Variants in ADCY2 observed in about 807,000 individuals in gnomAD.
ADCY2 encodes adenylate cyclase type 2.
In ADCY2, 31 loss-of-function variants were observed where a neutral mutation model predicts 125.2. The ratio of observed to expected loss-of-function variants is 0.25; its 90% CI spans 0.19 to 0.33. The LOEUF is 0.33. Among genes scored for constraint, ADCY2 ranks in the 10% least tolerant of loss-of-function variants. The pLI, the probability that ADCY2 is intolerant of heterozygous loss-of-function variation, is 1.00. For missense variants in ADCY2, 904 were observed against 1,418.2 expected, an observed-to-expected ratio of 0.64 and a Z score of 5.82; for synonymous variants, 512 against 548.4, an observed-to-expected ratio of 0.93 and a Z score of 0.93.
At chr5:7,708,458 G>A (rs1741335359) in intron 9 of ADCY2, among the ~76,000 whole-genome samples, 1 of 152,128 alleles carries the variant, frequency 6.6e-6, no homozygotes, top group African/African-American at 2.4e-5. Context: ...GGGGCTTAGA[G>A]TTCTCATTTC....
At chr5:7,555,118 G>A (rs1735463105) in intron 3 of ADCY2, among the ~76,000 whole-genome samples, 2 of 152,178 alleles carry the variant, frequency 1.3e-5, no homozygotes, top group African/African-American at 4.8e-5. Context: ...ACTGTTTTAA[G>A]ATACATCTTG....
At chr5:7,539,616 G>A (rs1281566016) in intron 3 of ADCY2, among the ~76,000 whole-genome samples, 2 of 152,354 alleles carry the variant, frequency 1.3e-5, no homozygotes, top group East Asian at 3.9e-4. Context: ...TTTCGAGTGA[G>A]ATTATGAGCA....
intron 2 of ADCY2, among the ~76,000 whole-genome samples, chr5:7,500,531 A>G (rs1447059318): frequency 6.6e-6 from 1 of 152,198 alleles, no homozygotes; most frequent in African/African-American, 2.4e-5. Context: ...TGAGAATGGC[A>G]CTTTACCCAG....
At position 7,827,002 on chromosome 5, in the gene ADCY2, C is replaced by T. The variant is rs778994344; in HGVS notation, c.*131C>T. 105 of 1,130,156 alleles carry T rather than the reference C, an allele frequency of 9.3e-5. No homozygotes were observed. The highest frequency in any genetic ancestry group is 2.9e-4 in the Middle Eastern group (1 of 3,446). The allele number at this position is 1,130,156 out of a possible 1,614,324, so 70.0% of individuals were successfully genotyped here. ...TATGGAGCCTCTGCAGACTCGTTCT[C>T]GTGACCCAGTGGCATACCGTTTGGT... On this transcript the variant is annotated 3_prime_UTR_variant, in exon 25 of 25. Transcript: ENST00000338316.
At chr5:7,492,719 C>T (rs2126490701) in intron 2 of ADCY2, among the ~76,000 whole-genome samples, 1 of 151,582 alleles carries the variant, frequency 6.6e-6, no homozygotes, top group African/African-American at 2.4e-5. Context: ...GAGTGACTTG[C>T]AGAGTCGTTT....
At chr5:7,489,995 C>T (rs72709164) in intron 2 of ADCY2, among the ~76,000 whole-genome samples, 24,889 of 151,970 alleles carry the variant, frequency 0.16, 2,646 homozygotes, top group East Asian at 0.41. Flanking sequence ...ATTTTGAATA[C>T]AGACTTAACA....
intron 14 of ADCY2, among the ~76,000 whole-genome samples, chr5:7,734,568 T>G (rs888189364): frequency 6.6e-6 from 1 of 152,198 alleles, no homozygotes; most frequent in Non-Finnish European, 1.5e-5. Context: ...AAGTTATGCT[T>G]CAGGGTTAAA....
At chr5:7,700,425 C>G (rs55873407) in intron 7 of ADCY2, among the ~76,000 whole-genome samples, 40,714 of 151,660 alleles carry the variant, frequency 0.27, 6,828 homozygotes, top group Non-Finnish European at 0.38. Context: ...TGTTTGCTGA[C>G]TGCATGATTG....
At chr5:7,774,106 G>A (rs1049633525) in intron 18 of ADCY2, among the ~76,000 whole-genome samples, 2 of 152,150 alleles carry the variant, frequency 1.3e-5, no homozygotes, top group Non-Finnish European at 2.9e-5. Flanking sequence ...ACAGTACATG[G>A]CCACCTATTT....
chr5:7,786,554 T>C (rs1383650745), intron 19 of ADCY2, among the ~76,000 whole-genome samples: 1 of 152,252 alleles, frequency 6.6e-6, no homozygotes, highest in Non-Finnish European at 1.5e-5. Flanking sequence ...TTGCTTTAGG[T>C]ATCTAAGTAG....
chr5:7,554,715 G>C (rs923186116), intron 3 of ADCY2, among the ~76,000 whole-genome samples: 1 of 152,116 alleles, frequency 6.6e-6, no homozygotes, highest in Non-Finnish European at 1.5e-5. Context: ...TTGTTTTGCA[G>C]GTCAAGTGTC....
At chr5:7,585,766 C>T (rs1736606942) in intron 3 of ADCY2, among the ~76,000 whole-genome samples, 3 of 152,184 alleles carry the variant, frequency 2.0e-5, no homozygotes, top group African/African-American at 4.8e-5. Context: ...TTGTGTCTTT[C>T]GGGATTAGTA....
intron 2 of ADCY2, among the ~76,000 whole-genome samples, chr5:7,490,277 A>G (rs1016453820): frequency 6.6e-6 from 1 of 152,178 alleles, no homozygotes; most frequent in Admixed American, 6.5e-5. Context: ...TATATCTTTA[A>G]GAAGTTACTT....
At chr5:7,519,094 T>C (rs1744351903) in intron 2 of ADCY2, among the ~76,000 whole-genome samples, 1 of 152,178 alleles carries the variant, frequency 6.6e-6, no homozygotes, top group Admixed American at 6.5e-5. Context: ...TTAGGCTATG[T>C]CTCCTGAATC....
At chr5:7,591,398 A>G (rs545688636) in intron 3 of ADCY2, among the ~76,000 whole-genome samples, 1 of 152,220 alleles carries the variant, frequency 6.6e-6, no homozygotes, top group Non-Finnish European at 1.5e-5. Flanking sequence ...TGAACAGGAC[A>G]GGTGATGTGA....
intron 3 of ADCY2, among the ~76,000 whole-genome samples, chr5:7,595,742 A>G (rs1579612199): frequency 6.6e-6 from 1 of 152,170 alleles, no homozygotes; most frequent in East Asian, 1.9e-4. Flanking sequence ...TAATTTTTGC[A>G]TACAGCCTGT....
At chr5:7,424,809 A>G (rs1561018341) in intron 2 of ADCY2, among the ~76,000 whole-genome samples, 1 of 152,172 alleles carries the variant, frequency 6.6e-6, no homozygotes, top group Non-Finnish European at 1.5e-5. Flanking sequence ...ATCAACTAAA[A>G]CTGAAATTCT....
At chr5:7,559,562 A>G (rs1192337151) in intron 3 of ADCY2, among the ~76,000 whole-genome samples, 3 of 152,198 alleles carry the variant, frequency 2.0e-5, no homozygotes, top group Non-Finnish European at 4.4e-5. Context: ...TTATCAGCTT[A>G]AGAAGCTTTT....
chr5:7,417,850 T>A (rs909940638), intron 2 of ADCY2, among the ~76,000 whole-genome samples: 1 of 152,238 alleles, frequency 6.6e-6, no homozygotes, highest in African/African-American at 2.4e-5. Flanking sequence ...GTCTCTCCAG[T>A]ATCCTATCCT....
Sources: allele counts gnomAD v4.1 joint callset (sites outside exome capture counted in the v4.1 genomes callset), GRCh38; gene constraint gnomAD v4.1.1; transcripts MANE v1.5; gene names NCBI Gene and HGNC (gene_info 2026-07-23, HGNC 2026-07-21).